The following IGF1R variants were observed in gnomAD, a reference collection of about 807,000 sequenced individuals.
IGF1R encodes the protein insulin-like growth factor 1 receptor.
In IGF1R, 44 loss-of-function variants were observed where a neutral mutation model predicts 144.6. That is an observed-to-expected ratio of 0.30 (90% CI 0.24 to 0.39). IGF1R has a LOEUF of 0.39. Among genes scored for constraint, IGF1R ranks in the 10% least tolerant of loss-of-function variants. The pLI is 1.00. For missense variants in IGF1R, 1,355 were observed against 1,833.7 expected, an observed-to-expected ratio of 0.74 and a Z score of 4.77; for synonymous variants, 795 against 722.8, an observed-to-expected ratio of 1.10 and a Z score of -1.60.
At chr15:98,693,443 T>A (rs12591069) in intron 1 of IGF1R, among the ~76,000 whole-genome samples, 45,393 of 151,852 alleles carry the variant, frequency 0.3, 7,220 homozygotes, top group African/African-American at 0.41. Flanking sequence ...GCTGCTGTCC[T>A]TCAGCCCTGC....
chr15:98,860,460 T>A (rs1180393578), intron 2 of IGF1R, among the ~76,000 whole-genome samples: 1 of 152,228 alleles, frequency 6.6e-6, no homozygotes, highest in Non-Finnish European at 1.5e-5. Context: ...ATGAAATACA[T>A]TAAAGCCTTA....
At chr15:98,942,450 T>A (rs2016400114) in intron 18 of IGF1R, among the ~76,000 whole-genome samples, 1 of 152,090 alleles carries the variant, frequency 6.6e-6, no homozygotes, top group South Asian at 2.1e-4. Context: ...TCTTCCACCT[T>A]AGCCTCCCAA....
chr15:98,952,303 AACACACACACACACAC>A (rs143223923), intron 20 of IGF1R, among the ~76,000 whole-genome samples: 2 of 146,572 alleles, frequency 1.4e-5, no homozygotes, highest in Non-Finnish European at 3.0e-5. Context: ...GTACCCCACC[AACACACACACACACAC>A]ACACACACAC....
At chr15:98,744,880 A>T (rs1443824270) in intron 2 of IGF1R, among the ~76,000 whole-genome samples, 3 of 152,064 alleles carry the variant, frequency 2.0e-5, no homozygotes, top group Non-Finnish European at 2.9e-5. Context: ...TGAGGACCCT[A>T]AGCCCTGGAG....
At chr15:98,917,029 GAAGT>G (rs1244295365) in intron 10 of IGF1R, 153 bp downstream of exon 10, 1 of 734,514 alleles carries the variant, frequency 1.4e-6, no homozygotes, top group African/African-American at 1.7e-5. Context: ...CAGGTTCGGT[GAAGT>G]GAGTCCCTGC....
rs375188453 is a variant in IGF1R, at chr15:98,707,626, G to T, written c.159G>T (p.Thr53=). ...YQQLKRLENC[T]VIEGYLHILL... ...AGCTGAAGCGCCTGGAGAACTGCAC[G>T]GTGATCGAGGGCTACCTCCACATCC... is the stretch of plus-strand genomic sequence containing the variant. The change falls in exon 2 of 21, where the codon ACG becomes ACT. Residue 53 remains threonine, a synonymous_variant. Transcript: ENST00000650285. This position sits in a 1 kb window ranked among gnomAD's most constrained non-coding sequence, Gnocchi z 6.7. 1.9e-6 allele frequency: 3 copies of T among 1,614,152 alleles called. No individual in the cohort carries two copies. In the East Asian group the frequency reaches 6.7e-5, roughly 36 times the overall value.
intron 2 of IGF1R, among the ~76,000 whole-genome samples, chr15:98,744,468 G>T (rs2054817766): frequency 6.6e-6 from 1 of 152,112 alleles, no homozygotes. Context: ...GGGAGGGGAG[G>T]AACTGAAGAA....
At position 98,866,436 on chromosome 15, in the gene IGF1R, G is replaced by A. The variant is rs186547870; in HGVS notation, c.641-24889G>A. 5.3e-5 allele frequency among the ~76,000 whole-genome samples: 8 copies of A among 152,366 alleles called. No individual in the cohort carries two copies. In the East Asian group the frequency reaches 1.5e-3, roughly 29 times the overall value. The stretch of plus-strand genomic sequence containing the variant: ...ATATTAATGCGGGCCTCTGCAAATA[G>A]AGGGAATTTATTGAAAAGCAGAATG... On this transcript the variant is annotated intron_variant, in intron 2 of 20. Transcript: ENST00000650285.
Position 98,899,516 on chromosome 15 carries a change from TC to T in IGF1R, c.1143del (p.Ile381MetfsTer4). 6.2e-7 allele frequency: 1 copy of T among 1,614,154 alleles called. No homozygotes were observed. The highest frequency in any genetic ancestry group is 8.5e-7 in the Non-Finnish European group (1 of 1,179,998). On this transcript the variant is annotated frameshift_variant, in exon 5 of 21. Transcript: ENST00000650285. LOFTEE classifies it high-confidence loss of function. ...ASELENFMGL[I>X]EVVTGYVKIR... is the part of the protein sequence containing the mutation. ...GAGCTGGAGAACTTCATGGGGCTCA[TC>T]GAGGTGGTGACGGGCTACGTGAAGA...
chr15:98,947,169 C>T (rs145474691), intron 19 of IGF1R, among the ~76,000 whole-genome samples: 226 of 152,302 alleles, frequency 1.5e-3, no homozygotes, highest in African/African-American at 4.9e-3. Flanking sequence ...AACATGAAGA[C>T]GACAGCATTT....
At chr15:98,906,502 C>T (rs1191950052) in intron 5 of IGF1R, among the ~76,000 whole-genome samples, 3 of 152,340 alleles carry the variant, frequency 2.0e-5, no homozygotes, top group East Asian at 3.9e-4. Context: ...TCCATCCCTC[C>T]TTCCGTTGTA....
At chr15:98,767,314 A>C (rs191809511) in intron 2 of IGF1R, among the ~76,000 whole-genome samples, 1 of 152,262 alleles carries the variant, frequency 6.6e-6, no homozygotes, top group African/African-American at 2.4e-5. Context: ...TTTTCCAGGC[A>C]GGCTCTCATT....
intron 2 of IGF1R, among the ~76,000 whole-genome samples, chr15:98,810,813 G>T (rs1157116924): frequency 1.3e-5 from 2 of 151,896 alleles, no homozygotes; most frequent in Non-Finnish European, 2.9e-5. Context: ...CTCCCAAAGG[G>T]CTGGGATTAC....
intron 2 of IGF1R, among the ~76,000 whole-genome samples, chr15:98,836,827 A>C (rs1295806259): frequency 6.6e-6 from 1 of 152,186 alleles, no homozygotes; most frequent in East Asian, 1.9e-4. Flanking sequence ...GAATGCTCCA[A>C]ATTGGTTCTA....
At chr15:98,883,681 C>T (rs540080549) in intron 2 of IGF1R, among the ~76,000 whole-genome samples, 3 of 152,260 alleles carry the variant, frequency 2.0e-5, no homozygotes, top group Non-Finnish European at 4.4e-5. Context: ...GCGCCTGCCC[C>T]GGCTAGGCTG....
intron 11 of IGF1R, among the ~76,000 whole-genome samples, chr15:98,922,839 A>C (rs2015548926): frequency 6.6e-6 from 1 of 152,206 alleles, no homozygotes; most frequent in Non-Finnish European, 1.5e-5. Flanking sequence ...ATTGCCCCTC[A>C]AGATCAACTC....
chr15:98,733,152 C>T (rs2054532777), intron 2 of IGF1R, among the ~76,000 whole-genome samples: 2 of 152,126 alleles, frequency 1.3e-5, no homozygotes, highest in Admixed American at 6.5e-5. Flanking sequence ...CACAGTGATC[C>T]GAGGATTGGG....
At chr15:98,841,287 A>T (rs1425778290) in intron 2 of IGF1R, among the ~76,000 whole-genome samples, 4 of 152,218 alleles carry the variant, frequency 2.6e-5, no homozygotes, top group Non-Finnish European at 4.4e-5. Flanking sequence ...ATTGGGTTCA[A>T]ATCCTTGGCC....
chr15:98,818,230 A>G (rs7180435), intron 2 of IGF1R, among the ~76,000 whole-genome samples: 27,104 of 152,066 alleles, frequency 0.18, 3,898 homozygotes, highest in African/African-American at 0.39. Flanking sequence ...GTGGCCGGGG[A>G]TGAGACACAA....
Sources: gnomAD v4.1 joint callset for allele counts (sites outside exome capture counted in the v4.1 genomes callset) on GRCh38, gnomAD v4.1.1 for gene constraint, Gnocchi (gnomAD v3.1) non-coding constraint, MANE v1.5 for transcripts, NCBI Gene and HGNC (gene_info 2026-07-23, HGNC 2026-07-21) for gene names.